Variants in SRPK1 observed in about 807,000 individuals in gnomAD.
SRPK1 encodes SRSF protein kinase 1.
SRPK1 carries 52 observed loss-of-function variants against 89.5 expected under a neutral mutation model. The observed-to-expected ratio is 0.58, with a 90% CI of 0.46 to 0.73. The LOEUF is 0.73. SRPK1 is among the 30% of genes least tolerant of loss of function. The pLI is 0.00. For missense variants in SRPK1, 603 were observed against 780.6 expected, an observed-to-expected ratio of 0.77 and a Z score of 2.71; for synonymous variants, 255 against 270.2, an observed-to-expected ratio of 0.94 and a Z score of 0.55.
chr6:35,871,318 G>C (rs1270964833), intron 8 of SRPK1, among the ~76,000 whole-genome samples: 4 of 152,132 alleles, frequency 2.6e-5, no homozygotes, highest in Non-Finnish European at 5.9e-5. Flanking sequence ...TTTTAAAAGG[G>C]GAGTCTAGGT....
intron 12 of SRPK1, among the ~76,000 whole-genome samples, chr6:35,861,940 G>A (rs1017905497): frequency 6.6e-6 from 1 of 152,152 alleles, no homozygotes; most frequent in African/African-American, 2.4e-5. Context: ...TGGGCGACAC[G>A]GCTGCAACTG....
intron 12 of SRPK1, among the ~76,000 whole-genome samples, chr6:35,860,331 A>G (rs1769754665): frequency 6.6e-6 from 1 of 152,220 alleles, no homozygotes; most frequent in African/African-American, 2.4e-5. Flanking sequence ...ATGGGTTATC[A>G]CAGGGTGTGA....
intron 12 of SRPK1, among the ~76,000 whole-genome samples, chr6:35,858,663 C>T (rs1769716248): frequency 6.6e-6 from 1 of 152,114 alleles, no homozygotes; most frequent in Non-Finnish European, 1.5e-5. Flanking sequence ...CAAATCCCAC[C>T]CTTCCCCCAC....
At position 35,880,735 on chromosome 6, in the gene SRPK1, G is replaced by GA. The variant is rs1238876364; in HGVS notation, c.478+5988dup. Among the ~76,000 whole-genome samples the GA allele has an allele frequency of 1.3e-3, 34 of 26,978 alleles. 2 individuals are homozygous for GA. Among genetic ancestry groups the GA allele is most frequent in the African/African-American group, 4.5e-3 (17 of 3,798 alleles). 17.7% of individuals were successfully genotyped at this position (26,978 alleles called of 152,430 possible). On this transcript the variant is annotated intron_variant, in intron 6 of 15. Transcript: ENST00000373825. ...ACTCCATCTCAAAAAAAAAAAAAAA[G>GA]AAAAAAAAAAAAAAAGAAAAGAAAA...
intron 13 of SRPK1, among the ~76,000 whole-genome samples, chr6:35,844,396 T>C (rs1243093988): frequency 3.9e-5 from 6 of 152,198 alleles, no homozygotes; most frequent in Admixed American, 2.0e-4. Context: ...TCAATGGTAC[T>C]AAGCAGTCCA....
At chr6:35,846,655 G>A (rs182022853) in intron 13 of SRPK1, among the ~76,000 whole-genome samples, 2 of 152,006 alleles carry the variant, frequency 1.3e-5, no homozygotes, top group East Asian at 3.9e-4. Flanking sequence ...AGACTACTAT[G>A]CACAATCATA....
intron 2 of SRPK1, among the ~76,000 whole-genome samples, chr6:35,903,419 C>A (rs934164365): frequency 6.6e-6 from 1 of 151,076 alleles, no homozygotes; most frequent in African/African-American, 2.4e-5. Flanking sequence ...GGCTGAAGCA[C>A]GAGAATCACT....
rs1386534841 is a variant in SRPK1, at chr6:35,833,041, TTAAA to T, written c.*2259_*2262del. 4 of 152,686 alleles carry T rather than the reference TTAAA, an allele frequency of 2.6e-5. No homozygotes were observed. The highest frequency in any genetic ancestry group is 5.9e-5 in the Non-Finnish European group (4 of 68,050). 9.5% of individuals were successfully genotyped at this position (152,686 alleles called of 1,614,324 possible). On this transcript the variant is annotated 3_prime_UTR_variant, in exon 16 of 16. Transcript: ENST00000373825. ...GAGATTTTTGGAAACATGTAGGTTATTAAATAATTTGTTTATTGTACGGCATTTA... is the reference window on the plus strand; with the variant it reads ...GAGATTTTTGGAAACATGTAGGTTATTAATTTGTTTATTGTACGGCATTTA...
chr6:35,840,936 G>A (rs901027768), intron 14 of SRPK1, among the ~76,000 whole-genome samples: 18 of 152,194 alleles, frequency 1.2e-4, no homozygotes, highest in Non-Finnish European at 8.8e-5. Context: ...TTGGGACTCT[G>A]CATATGTATT....
rs141991127 is a variant in SRPK1, at chr6:35,864,667, T to C, written c.1512+4343A>G. ...CCTCAGAAAACTAGAGCTACCATAT[T>C]ATCCAGCAATCCCACTGCTGCGTAT... On this transcript the variant is annotated intron_variant, in intron 12 of 15. Coordinates refer to ENST00000373825, the MANE Select transcript of SRPK1 (RefSeq NM_003137.5). Among the ~76,000 whole-genome samples the C allele has an allele frequency of 2.0e-3, 311 of 152,324 alleles. 2 individuals carry two copies. Among genetic ancestry groups the C allele is most frequent in the African/African-American group, 7.1e-3 (294 of 41,568 alleles).
intron 13 of SRPK1, among the ~76,000 whole-genome samples, chr6:35,849,564 A>G (rs1054995462): frequency 3.9e-5 from 6 of 152,212 alleles, no homozygotes; most frequent in African/African-American, 1.4e-4. Context: ...ACTATTCACA[A>G]TAGCCAAGTT....
chr6:35,849,228 A>G (rs1561968940), intron 13 of SRPK1, among the ~76,000 whole-genome samples: 2 of 152,222 alleles, frequency 1.3e-5, no homozygotes, highest in Non-Finnish European at 2.9e-5. Flanking sequence ...CAACAGATCT[A>G]TTAAAAAAAA....
intron 7 of SRPK1, 78 bp from the exon 8 acceptor site, chr6:35,872,806 T>C (rs62403665): frequency 2.6e-6 from 3 of 1,171,154 alleles, no homozygotes; most frequent in Non-Finnish European, 2.2e-6. Context: ...TAACATGACA[T>C]TAAAAAAAAA....
intron 6 of SRPK1, among the ~76,000 whole-genome samples, chr6:35,878,326 G>A (rs557034955): frequency 6.6e-6 from 1 of 152,292 alleles, no homozygotes; most frequent in East Asian, 1.9e-4. Flanking sequence ...ATGTCATACA[G>A]ATCCTGACTC....
At chr6:35,865,886 A>C (rs562179250) in intron 12 of SRPK1, among the ~76,000 whole-genome samples, 1 of 152,104 alleles carries the variant, frequency 6.6e-6, no homozygotes, top group Non-Finnish European at 1.5e-5. Flanking sequence ...TTAAACAAAA[A>C]AGCTTCTGCA....
intron 2 of SRPK1, among the ~76,000 whole-genome samples, chr6:35,913,330 C>A (rs1771013520): frequency 6.6e-6 from 1 of 152,096 alleles, no homozygotes. Context: ...GGGAATCACA[C>A]ACAATTAAAA....
rs1346382039 is a variant in SRPK1 at position 35,921,024 on chromosome 6, G to A, written c.13+20C>T. 2 of 1,543,536 alleles carry A rather than the reference G, an allele frequency of 1.3e-6. No homozygotes were observed. Among genetic ancestry groups the A allele is most frequent in the Admixed American group, 1.9e-5 (1 of 52,114 alleles). On this transcript the variant is annotated intron_variant, in intron 1 of 15. Transcript: ENST00000373825. ...CCGGCGACCATTGCCCCTCGTGGCG[G>A]AGGCCGCTCCACCGCTCACCTTTCC...
chr6:35,885,278 CACACACACACACACACACACAGAGAG>C (rs1770379669), intron 6 of SRPK1, among the ~76,000 whole-genome samples: 1 of 132,600 alleles, frequency 7.5e-6, no homozygotes, highest in Non-Finnish European at 1.7e-5. Flanking sequence ...CACACACACA[CACACACACACACACACACACAGAGAG>C]AGAGAGAGAG....
intron 2 of SRPK1, among the ~76,000 whole-genome samples, chr6:35,915,931 C>T (rs956315173): frequency 6.5e-5 from 9 of 138,316 alleles, no homozygotes; most frequent in African/African-American, 2.2e-4. Flanking sequence ...GAGATTGCAC[C>T]ACTGAACTCC....
Sources: allele counts gnomAD v4.1 joint callset (sites outside exome capture counted in the v4.1 genomes callset), GRCh38; gene constraint gnomAD v4.1.1; transcripts MANE v1.5; gene names NCBI Gene and HGNC (gene_info 2026-07-23, HGNC 2026-07-21).